CSMD1: variants seen among roughly 807,000 people sequenced by gnomAD.
CSMD1 encodes CUB and sushi domain-containing protein 1.
In CSMD1, 213 loss-of-function variants were observed where a neutral mutation model predicts 417.5. That is an observed-to-expected ratio of 0.51 (90% confidence interval 0.46 to 0.57). The LOEUF is 0.57. Ranked by LOEUF, CSMD1 falls within the 20% of genes least tolerant of loss-of-function variation. CSMD1 has a pLI of 0.00. For synonymous variants in CSMD1, 2,862 were observed against 1,736.8 expected (o/e 1.65, Z -16.11); for missense variants, 6,923 against 4,529.7 (o/e 1.53, Z -15.17).
At chr8:4,063,856 T>C (rs1353788617) in intron 3 of CSMD1, among the ~76,000 whole-genome samples, 1 of 152,210 alleles carries the variant, frequency 6.6e-6, no homozygotes, top group Non-Finnish European at 1.5e-5. Flanking sequence ...GACTATGACT[T>C]TGTCACATCA....
intron 3 of CSMD1, among the ~76,000 whole-genome samples, chr8:4,067,919 AT>A (rs1281687436): frequency 1.3e-5 from 2 of 152,066 alleles, no homozygotes; most frequent in Non-Finnish European, 2.9e-5. Context: ...TCTACTAAAA[AT>A]GCAAAAATTA....
chr8:4,777,374 G>C (rs1361177068), intron 1 of CSMD1, among the ~76,000 whole-genome samples: 1 of 152,086 alleles, frequency 6.6e-6, no homozygotes, highest in East Asian at 1.9e-4. Flanking sequence ...TTTGAGCTTG[G>C]GGATGATGAA....
In CSMD1 at chr8:4,834,932, G is replaced by A. The variant is rs185788352; in HGVS notation, c.85+159400C>T. Among the ~76,000 whole-genome samples, 1,058 of 119,250 alleles carry A rather than the reference G, an allele frequency of 8.9e-3. 6 individuals carry two copies. Among genetic ancestry groups the A allele is most frequent in the Middle Eastern group, 0.017 (2 of 120 alleles). The allele number at this position is 119,250 out of a possible 152,430, so 78.2% of individuals were successfully genotyped here. A position where few individuals can be genotyped will look rare whatever the true frequency, so the allele number is the denominator to read the frequency against. On this transcript the variant is annotated intron_variant, in intron 1 of 69. Transcript: ENST00000635120. ...AGATGGCGCCACTGCACTCCAGCCT[G>A]GGCGACAGGGCCAGACTCCATCTCA...
At position 4,278,455 on chromosome 8, in the gene CSMD1, T is replaced by C. The variant is rs1031317415; in HGVS notation, c.415+141498A>G. Reference sequence around the variant, plus strand: ...CTGATGCTGCTATAGCTATATAAAATATAATTTTTTAACATGAAAGCAGCA... The same window carrying C: ...CTGATGCTGCTATAGCTATATAAAACATAATTTTTTAACATGAAAGCAGCA... On this transcript the variant is annotated intron_variant, in intron 3 of 69. Coordinates refer to ENST00000635120, the MANE Select transcript of CSMD1 (RefSeq NM_033225.6). 3.3e-5 allele frequency among the ~76,000 whole-genome samples: 5 copies of C among 152,200 alleles called. No homozygotes were observed. The East Asian group carries it at 5.8e-4, about 18-fold the overall frequency.
intron 23 of CSMD1, among the ~76,000 whole-genome samples, chr8:3,314,263 AT>A (rs1292508717): frequency 6.6e-6 from 1 of 152,094 alleles, no homozygotes; most frequent in Non-Finnish European, 1.5e-5. Flanking sequence ...AAAATAAAAA[AT>A]AAATCTCAAG....
At chr8:4,896,994 G>GT (rs1804539012) in intron 1 of CSMD1, among the ~76,000 whole-genome samples, 1 of 152,016 alleles carries the variant, frequency 6.6e-6, no homozygotes, top group Non-Finnish European at 1.5e-5. Flanking sequence ...GATGTGTCTC[G>GT]TTTTTTACAC....
intron 23 of CSMD1, among the ~76,000 whole-genome samples, chr8:3,336,710 A>G (rs1209798122): frequency 6.6e-6 from 1 of 152,172 alleles, no homozygotes; most frequent in Non-Finnish European, 1.5e-5. Flanking sequence ...TGTGGGCGAG[A>G]GCCCTGCACA....
At position 4,772,064 on chromosome 8, in the gene CSMD1, G is replaced by A. The variant is rs368907593; in HGVS notation, c.86-134506C>T. ...TCTCACTGGGCTAAAACCAGGTATC[G>A]GCAGGCTGTATTTCTTCCTGCAGGC... On this transcript the variant is annotated intron_variant, in intron 1 of 69. Coordinates refer to ENST00000635120, the MANE Select transcript of CSMD1 (RefSeq NM_033225.6). Among the ~76,000 whole-genome samples, 16 of 152,236 alleles carry A rather than the reference G, an allele frequency of 1.1e-4. 2 individuals carry two copies. In the East Asian group the frequency reaches 2.9e-3, roughly 28 times the overall value.
At position 4,726,031 on chromosome 8, in the gene CSMD1, G is replaced by C. The variant is rs557413632; in HGVS notation, c.86-88473C>G. Among the ~76,000 whole-genome samples the C allele has an allele frequency of 7.9e-5, 12 of 152,222 alleles. No individual in the cohort carries two copies. In the South Asian group the frequency reaches 2.5e-3, roughly 32 times the overall value. Reference sequence around the variant, plus strand: ...AATTTTCTCATAATGGATTTTTCTGGTCACGGTGTGAGTTCACATCGTGGA... The same window carrying C: ...AATTTTCTCATAATGGATTTTTCTGCTCACGGTGTGAGTTCACATCGTGGA... On this transcript the variant is annotated intron_variant, in intron 1 of 69. Coordinates refer to ENST00000635120, the MANE Select transcript of CSMD1 (RefSeq NM_033225.6).
chr8:4,917,172 G>A (rs531606875), intron 1 of CSMD1, among the ~76,000 whole-genome samples: 3 of 152,186 alleles, frequency 2.0e-5, no homozygotes, highest in Non-Finnish European at 2.9e-5. Flanking sequence ...GGAGCAGGAG[G>A]AAGACAGAGA....
At chr8:3,516,789 G>C (rs963527575) in intron 10 of CSMD1, among the ~76,000 whole-genome samples, 6 of 152,086 alleles carry the variant, frequency 3.9e-5, no homozygotes, top group African/African-American at 1.2e-4. Context: ...ACTAAAAGTA[G>C]AACTACCATT....
chr8:4,806,560 G>A (rs1166586332), intron 1 of CSMD1, among the ~76,000 whole-genome samples: 3 of 152,158 alleles, frequency 2.0e-5, no homozygotes, highest in African/African-American at 7.2e-5. Context: ...TTAACAAAGA[G>A]AGAAATCTTG....
At chr8:3,136,409 C>T (rs765291513) in intron 41 of CSMD1, among the ~76,000 whole-genome samples, 25 of 151,828 alleles carry the variant, frequency 1.6e-4, no homozygotes, top group Non-Finnish European at 3.4e-4. Context: ...GGATCACAGG[C>T]GCTCCCCACC....
At chr8:4,345,049 C>T (rs1439089250) in intron 3 of CSMD1, among the ~76,000 whole-genome samples, 2 of 152,046 alleles carry the variant, frequency 1.3e-5, no homozygotes, top group Non-Finnish European at 2.9e-5. Flanking sequence ...GCTCAGAATT[C>T]TGTGATTAAG....
chr8:4,432,402 T>A (rs907087020), intron 2 of CSMD1, among the ~76,000 whole-genome samples: 1 of 152,156 alleles, frequency 6.6e-6, no homozygotes, highest in African/African-American at 2.4e-5. Context: ...GCAGGTTTCA[T>A]GTTATGTTGA....
intron 5 of CSMD1, among the ~76,000 whole-genome samples, chr8:3,977,069 C>A (rs779676459): frequency 1.3e-5 from 2 of 152,080 alleles, no homozygotes; most frequent in Non-Finnish European, 2.9e-5. Flanking sequence ...ATTTCTTTTT[C>A]CATTTAGATT....
At chr8:4,626,075 T>C (rs1802091367) in intron 2 of CSMD1, among the ~76,000 whole-genome samples, 1 of 152,098 alleles carries the variant, frequency 6.6e-6, no homozygotes, top group Admixed American at 6.5e-5. Flanking sequence ...GAACTGACAT[T>C]ACAATTGGAG....
chr8:4,887,811 T>C (rs1262850789), intron 1 of CSMD1, among the ~76,000 whole-genome samples: 1 of 152,068 alleles, frequency 6.6e-6, no homozygotes, highest in East Asian at 1.9e-4. Context: ...ACACTTTTTG[T>C]TTTAAAGTCT....
At chr8:3,816,053 T>C (rs1801349946) in intron 5 of CSMD1, among the ~76,000 whole-genome samples, 1 of 152,182 alleles carries the variant, frequency 6.6e-6, no homozygotes, top group South Asian at 2.1e-4. Context: ...GTGGGTTGGT[T>C]CTGATGATGA....
Sources: allele counts gnomAD v4.1 joint callset (sites outside exome capture counted in the v4.1 genomes callset), GRCh38; gene constraint gnomAD v4.1.1; transcripts MANE v1.5; gene names NCBI Gene and HGNC (gene_info 2026-07-23, HGNC 2026-07-21).